Variants in DPYSL5 observed in about 807,000 individuals in gnomAD.
DPYSL5 encodes dihydropyrimidinase like 5.
A neutral mutation model predicts 58.4 loss-of-function variants in DPYSL5; 9 were observed. The ratio of observed to expected loss-of-function variants is 0.15; its 90% CI spans 0.09 to 0.27. The LOEUF (loss-of-function observed/expected upper bound fraction) is 0.27, where lower values mean the gene tolerates loss of function less well. DPYSL5 is among the 10% of genes least tolerant of loss of function. The pLI, the probability that DPYSL5 is intolerant of heterozygous loss-of-function variation, is 1.00. For synonymous variants in DPYSL5, 293 were observed against 301.9 expected, an observed-to-expected ratio of 0.97 and a Z score of 0.31; for missense variants, 499 against 770.6, an observed-to-expected ratio of 0.65 and a Z score of 4.17.
chr2:26,932,236 A>G (rs945954714), intron 6 of DPYSL5, among the ~76,000 whole-genome samples: 7 of 150,204 alleles, frequency 4.7e-5, no homozygotes, highest in Non-Finnish European at 7.4e-5. Flanking sequence ...AAGAAAGAAA[A>G]CCAACCTCTA....
intron 1 of DPYSL5, among the ~76,000 whole-genome samples, chr2:26,858,463 A>G (rs1035993603): frequency 2.6e-5 from 4 of 151,910 alleles, no homozygotes; most frequent in Non-Finnish European, 5.9e-5. Flanking sequence ...GAGCCACCGC[A>G]CCCAGCCCAG....
chr2:26,909,234 G>A (rs1031607256), intron 2 of DPYSL5, among the ~76,000 whole-genome samples: 2 of 152,006 alleles, frequency 1.3e-5, no homozygotes, highest in African/African-American at 2.4e-5. Flanking sequence ...GTAACTAAAC[G>A]AATATAAAAC....
At chr2:26,851,406 C>T (rs1175004705) in intron 1 of DPYSL5, among the ~76,000 whole-genome samples, 2 of 152,252 alleles carry the variant, frequency 1.3e-5, no homozygotes, top group Non-Finnish European at 2.9e-5. Context: ...TTGCATTATT[C>T]TTAATGCTTC....
At chr2:26,929,455 C>T (rs879547711) in intron 5 of DPYSL5, among the ~76,000 whole-genome samples, 5 of 152,164 alleles carry the variant, frequency 3.3e-5, no homozygotes, top group Admixed American at 2.0e-4. Context: ...TGGTTTCGAA[C>T]TCCTGACCTC....
At chr2:26,910,380 G>A (rs1029217030) in intron 2 of DPYSL5, among the ~76,000 whole-genome samples, 3 of 152,062 alleles carry the variant, frequency 2.0e-5, no homozygotes, top group Non-Finnish European at 4.4e-5. Flanking sequence ...CCCACCACTT[G>A]TTGTGGTCAG....
At position 26,927,375 on chromosome 2, in the gene DPYSL5, C is replaced by T. The variant is rs1361261937; in HGVS notation, c.543C>T (p.Cys181=). The T allele has an allele frequency of 1.2e-6, 2 of 1,614,232 alleles. No individual in the cohort carries two copies. Among genetic ancestry groups the T allele is most frequent in the South Asian group, 1.1e-5 (1 of 91,088 alleles). The stretch of plus-strand genomic sequence containing the variant: ...AGCTGTACCAAGTGTTGCACGCTTG[C>T]AAGGACATTGGGGCAATCGCCCGCG... The part of the protein sequence containing the change: ...DSELYQVLHA[C]KDIGAIARVH... The change falls in exon 4 of 13, where the codon TGC becomes TGT. Residue 181 remains cysteine, a synonymous_variant. Coordinates refer to ENST00000288699, the MANE Select transcript of DPYSL5 (RefSeq NM_020134.4). The surrounding 1 kb of genome is among the most constrained non-coding windows in gnomAD (Gnocchi z 4.3).
Position 26,879,481 on chromosome 2 carries a change from A to G in DPYSL5, c.-4-19015A>G, listed in dbSNP as rs1205720828. On this transcript the variant is annotated intron_variant, in intron 1 of 12. Transcript: ENST00000288699. ...ATTTGAAAAAAAAAAAAAAAAAAAA[A>G]GCCCATTAGCATGGTCCAGACCTTT... 2.0e-5 allele frequency among the ~76,000 whole-genome samples: 3 copies of G among 146,668 alleles called. No homozygotes were observed. The East Asian group carries it at 5.9e-4, about 29-fold the overall frequency.
intron 12 of DPYSL5, among the ~76,000 whole-genome samples, chr2:26,946,483 C>T (rs1463022742): frequency 4.0e-5 from 6 of 151,896 alleles, no homozygotes; most frequent in Non-Finnish European, 8.8e-5. Flanking sequence ...TTTCAAGATG[C>T]GGGGCCTTTG....
At chr2:26,863,684 A>G (rs952022911) in intron 1 of DPYSL5, among the ~76,000 whole-genome samples, 3 of 151,816 alleles carry the variant, frequency 2.0e-5, no homozygotes, top group African/African-American at 7.3e-5. Context: ...CCCAAAAGAA[A>G]CTCCATACGC....
rs1174896119 is a variant in DPYSL5 at position 26,905,680 on chromosome 2, TGTGAAGG to T, written c.261+6921_261+6927del. ...CTCACCTGTAGGCTGTAAAGAGCCC[TGTGAAGG>T]CTTCATGAAGTGACTTCCCCTCCCC... On this transcript the variant is annotated intron_variant, in intron 2 of 12. Coordinates refer to ENST00000288699, the MANE Select transcript of DPYSL5 (RefSeq NM_020134.4). The surrounding 1 kb of genome is among the most constrained non-coding windows in gnomAD (Gnocchi z 4.0). 1.3e-5 allele frequency among the ~76,000 whole-genome samples: 2 copies of T among 152,202 alleles called. No individual in the cohort carries two copies. The highest frequency in any genetic ancestry group is 2.9e-5 in the Non-Finnish European group (2 of 68,036).
chr2:26,901,722 T>C (rs978611723), intron 2 of DPYSL5, among the ~76,000 whole-genome samples: 1 of 152,176 alleles, frequency 6.6e-6, no homozygotes, highest in Non-Finnish European at 1.5e-5. Flanking sequence ...CTTTTTGTTC[T>C]TGTCAGACAG....
intron 6 of DPYSL5, among the ~76,000 whole-genome samples, chr2:26,932,208 A>AAAGAAAGAAAGAAAG (rs1178078504): frequency 2.9e-5 from 2 of 70,170 alleles, no homozygotes; most frequent in African/African-American, 1.1e-4. Flanking sequence ...AGAAAGAAAG[A>AAAGAAAGAAAGAAAG]AAAGAAAGAA....
Position 26,933,468 on chromosome 2 carries a change from C to T in DPYSL5, c.790+135C>T. 1.3e-6 allele frequency: 1 copy of T among 757,812 alleles called. No homozygotes were observed. The highest frequency in any genetic ancestry group is 2.2e-6 in the Non-Finnish European group (1 of 444,838). The allele number at this position is 757,812 out of a possible 1,614,324, so 46.9% of individuals were successfully genotyped here. ...GAGCCAGCCCTTCCCTTTCATCTGC[C>T]ACCGTCTTCCTCAGAGCTGCCCTGT... On this transcript the variant is annotated intron_variant, in intron 7 of 12. Transcript: ENST00000288699. This position sits in a 1 kb window ranked among gnomAD's most constrained non-coding sequence, Gnocchi z 4.2.
chr2:26,860,780 A>G (rs1276764679), intron 1 of DPYSL5, among the ~76,000 whole-genome samples: 2 of 152,238 alleles, frequency 1.3e-5, no homozygotes, highest in East Asian at 1.9e-4. Flanking sequence ...ACAATGCAGA[A>G]CAATATTTAA....
rs755509744 is a variant in DPYSL5, at chr2:26,942,038, G to A, written c.1178G>A (p.Arg393His). ...KLLNLYPRKGRIIPGADADVV... is the reference protein window; with the variant it reads ...KLLNLYPRKGHIIPGADADVV... ...CTGAACCTGTATCCCCGCAAGGGCC[G>A]CATTATTCCCGGAGCCGATGCTGAT... The change falls in exon 10 of 13, where the codon CGC becomes CAC. Residue 393 changes from arginine (R) to histidine (H), a missense_variant. This residue lies in a region of DPYSL5 where 404 missense variants were observed against 647.6 expected (regional missense o/e 0.62). Transcript: ENST00000288699. The surrounding 1 kb of genome is among the most constrained non-coding windows in gnomAD (Gnocchi z 5.9). 9 of 1,614,062 alleles carry A rather than the reference G, an allele frequency of 5.6e-6. No homozygotes were observed. The highest frequency in any genetic ancestry group is 1.3e-5 in the African/African-American group (1 of 74,924).
chr2:26,856,090 TAGTAA>T (rs1208463684), intron 1 of DPYSL5, among the ~76,000 whole-genome samples: 1 of 152,060 alleles, frequency 6.6e-6, no homozygotes, highest in African/African-American at 2.4e-5. Flanking sequence ...TAAAAAAAAC[TAGTAA>T]AGTATAACAG....
intron 1 of DPYSL5, among the ~76,000 whole-genome samples, chr2:26,858,353 A>G (rs1665930597): frequency 6.6e-6 from 1 of 151,808 alleles, no homozygotes; most frequent in African/African-American, 2.4e-5. Flanking sequence ...TTGTAGTTTT[A>G]GTAAAGACGG....
intron 8 of DPYSL5, among the ~76,000 whole-genome samples, chr2:26,935,229 A>G (rs1025925005): frequency 4.6e-5 from 7 of 151,354 alleles, no homozygotes; most frequent in Admixed American, 4.6e-4. Flanking sequence ...CCCTTCCTCC[A>G]GATCTCCTTT....
intron 6 of DPYSL5, among the ~76,000 whole-genome samples, chr2:26,932,185 A>AAGAAAG: frequency 1.4e-5 from 1 of 70,374 alleles, no homozygotes; most frequent in Admixed American, 1.3e-4. Flanking sequence ...GAAAGAAAGA[A>AAGAAAG]AGAAAGAAAG....
Sources: allele counts gnomAD v4.1 joint callset (sites outside exome capture counted in the v4.1 genomes callset), GRCh38; gene constraint gnomAD v4.1.1; regional missense constraint gnomAD v4.1.1; non-coding constraint Gnocchi (gnomAD v3.1); transcripts MANE v1.5; gene names NCBI Gene and HGNC (gene_info 2026-07-23, HGNC 2026-07-21).